The following C2CD5 variants were observed in gnomAD, a reference collection of about 807,000 sequenced individuals.
The protein encoded by C2CD5 is C2 domain-containing protein 5.
In C2CD5, 109 loss-of-function variants were observed where a neutral mutation model predicts 130.3. The observed-to-expected ratio is 0.84, with a 90% confidence interval of 0.72 to 0.98. C2CD5 has a LOEUF of 0.98. Among genes scored for constraint, C2CD5 ranks in the 50% least tolerant of loss-of-function variants. The pLI is 0.00. For missense variants in C2CD5, 996 were observed against 1,261.8 expected (o/e 0.79, Z 3.19); for synonymous variants, 454 against 429.2 (o/e 1.06, Z -0.71).
At position 22,508,612 on chromosome 12, in the gene C2CD5, T is replaced by C. The variant is rs563038439; in HGVS notation, c.1039-1793A>G. On this transcript the variant is annotated intron_variant, in intron 9 of 26. Coordinates refer to ENST00000446597, the MANE Select transcript of C2CD5 (RefSeq NM_001286176.2). ...TTAGGCACAGCACACACGGGGTAAT[T>C]ACACAATATAAGTATTAAGAAAGAA... 4.6e-5 allele frequency among the ~76,000 whole-genome samples: 7 copies of C among 152,164 alleles called. No individual in the cohort carries two copies. In the South Asian group the frequency reaches 1.4e-3, roughly 32 times the overall value.
chr12:22,460,933 T>C lies in C2CD5; in HGVS notation c.2534-1391A>G, dbSNP rs530244061. 1.1e-3 allele frequency among the ~76,000 whole-genome samples: 164 copies of C among 152,238 alleles called. 1 individual carries two copies. The highest frequency in any genetic ancestry group is 5.4e-3 in the South Asian group (26 of 4,828). On this transcript the variant is annotated intron_variant, in intron 22 of 26. Coordinates refer to ENST00000446597, the MANE Select transcript of C2CD5 (RefSeq NM_001286176.2). ...GCTAATCCTGTAACATATACAGAGC[T>C]GATGAATAAAAGGGATCACCAGGTG...
chr12:22,499,448 C>T (rs568941617), intron 10 of C2CD5, among the ~76,000 whole-genome samples: 27 of 152,270 alleles, frequency 1.8e-4, no homozygotes, highest in African/African-American at 6.0e-4. Flanking sequence ...GGATTAGAGT[C>T]GACCTCAGAG....
intron 12 of C2CD5, among the ~76,000 whole-genome samples, chr12:22,488,041 T>C (rs552740799): frequency 1.0e-5 from 1 of 97,208 alleles, no homozygotes; most frequent in African/African-American, 4.0e-5. Context: ...TCAGGGCCTG[T>C]TGTGGGGTAG....
At chr12:22,472,535 A>G (rs1302551410) in intron 17 of C2CD5, 188 bp from the exon 18 acceptor site, 2 of 619,536 alleles carry the variant, frequency 3.2e-6, no homozygotes, top group African/African-American at 3.7e-5. Context: ...TCCGTGTATA[A>G]ATATAAAAGG....
intron 7 of C2CD5, among the ~76,000 whole-genome samples, chr12:22,522,573 T>G (rs548174764): frequency 1.3e-5 from 2 of 152,242 alleles, no homozygotes; most frequent in Non-Finnish European, 2.9e-5. Flanking sequence ...GACAAGAGAT[T>G]GTATGGGCAG....
At chr12:22,503,644 A>C (rs1298159264) in intron 10 of C2CD5, among the ~76,000 whole-genome samples, 1 of 151,958 alleles carries the variant, frequency 6.6e-6, no homozygotes, top group Non-Finnish European at 1.5e-5. Flanking sequence ...CCAAGTAGCT[A>C]GGACCACAGA....
intron 15 of C2CD5, among the ~76,000 whole-genome samples, chr12:22,476,762 T>C (rs1241982556): frequency 1.3e-5 from 2 of 152,086 alleles, no homozygotes; most frequent in Non-Finnish European, 2.9e-5. Context: ...AGGATGGATT[T>C]ACAGAGGTGA....
chr12:22,508,955 C>T (rs1948880977), intron 9 of C2CD5, among the ~76,000 whole-genome samples: 1 of 151,440 alleles, frequency 6.6e-6, no homozygotes, highest in Non-Finnish European at 1.5e-5. Context: ...CGGCTCACTG[C>T]AAGCTCCGCT....
chr12:22,450,567 T>C (rs1275257824), intron 26 of C2CD5, among the ~76,000 whole-genome samples: 2 of 152,146 alleles, frequency 1.3e-5, no homozygotes, highest in African/African-American at 4.8e-5. Flanking sequence ...ATATACAATA[T>C]AAAATCATTT....
chr12:22,473,364 C>T (rs565921928), intron 16 of C2CD5, among the ~76,000 whole-genome samples: 131 of 152,278 alleles, frequency 8.6e-4, no homozygotes, highest in African/African-American at 2.9e-3. Context: ...CCTGCAGACT[C>T]GCTAAGCTTC....
intron 9 of C2CD5, among the ~76,000 whole-genome samples, chr12:22,507,942 CTA>C (rs1157770283): frequency 6.6e-6 from 1 of 152,086 alleles, no homozygotes; most frequent in Non-Finnish European, 1.5e-5. Flanking sequence ...AGAAACAACT[CTA>C]AAATTTATCA....
intron 3 of C2CD5, among the ~76,000 whole-genome samples, chr12:22,532,121 G>A (rs12425778): frequency 7.9e-5 from 12 of 152,050 alleles, no homozygotes; most frequent in Non-Finnish European, 1.5e-4. Context: ...ACCTGAGGTC[G>A]CGAGTTTGAG....
chr12:22,469,596 G>T, intron 22 of C2CD5, 113 bp downstream of exon 22: 1 of 552,532 alleles, frequency 1.8e-6, no homozygotes, highest in Non-Finnish European at 3.2e-6. Context: ...ATATAATGAG[G>T]GAATGAAGGA....
At chr12:22,527,656 T>C in intron 4 of C2CD5, 65 bp downstream of exon 4, 1 of 975,586 alleles carries the variant, frequency 1.0e-6, no homozygotes, top group Non-Finnish European at 1.5e-6. Flanking sequence ...ATAGCACAAA[T>C]GTCTTTAAGG....
At chr12:22,533,564 G>A (rs912872803) in intron 3 of C2CD5, among the ~76,000 whole-genome samples, 3 of 152,102 alleles carry the variant, frequency 2.0e-5, no homozygotes, top group Admixed American at 6.5e-5. Flanking sequence ...GTGGCTGGGC[G>A]CAACATAAAA....
intron 22 of C2CD5, among the ~76,000 whole-genome samples, chr12:22,459,841 AT>A (rs1940745208): frequency 6.6e-6 from 1 of 152,266 alleles, no homozygotes; most frequent in Non-Finnish European, 1.5e-5. Flanking sequence ...GAATGTGAGT[AT>A]GATGAAAGCA....
chr12:22,459,557 T>C lies in C2CD5; in HGVS notation c.2534-15A>G. The C allele has an allele frequency of 6.7e-7, 1 of 1,497,926 alleles. No individual in the cohort carries two copies. The highest frequency in any genetic ancestry group is 9.0e-7 in the Non-Finnish European group (1 of 1,112,426). The allele number at this position is 1,497,926 out of a possible 1,614,324, so 92.8% of individuals were successfully genotyped here. ...CTCCAGGTGTTCTAATAAGACAATA[T>C]GAACAACATTAGCTCAGATGCTAAG... On this transcript the variant is annotated splice_polypyrimidine_tract_variant and intron_variant, in intron 22 of 26. Coordinates refer to ENST00000446597, the MANE Select transcript of C2CD5 (RefSeq NM_001286176.2).
chr12:22,530,428 C>T (rs142710995), intron 3 of C2CD5, among the ~76,000 whole-genome samples: 37 of 150,688 alleles, frequency 2.5e-4, no homozygotes, highest in African/African-American at 7.3e-4. Context: ...ATATATTATT[C>T]GGGAAGACTA....
intron 3 of C2CD5, among the ~76,000 whole-genome samples, chr12:22,530,296 T>G (rs939202708): frequency 2.0e-5 from 3 of 149,096 alleles, no homozygotes; most frequent in Non-Finnish European, 4.5e-5. Flanking sequence ...GTATATATAT[T>G]TAAAACTGAA....
Sources: allele counts gnomAD v4.1 joint callset (sites outside exome capture counted in the v4.1 genomes callset), GRCh38; gene constraint gnomAD v4.1.1; transcripts MANE v1.5; gene names NCBI Gene and HGNC (gene_info 2026-07-23, HGNC 2026-07-21).